Variants in ADAM9 observed in about 807,000 individuals in gnomAD.
ADAM9 encodes disintegrin and metalloproteinase domain-containing protein 9.
ADAM9 carries 54 observed loss-of-function variants against 108.1 expected under a neutral mutation model. The observed-to-expected ratio is 0.50, with a 90% CI of 0.40 to 0.63. The LOEUF is 0.63. ADAM9 is among the 20% of genes least tolerant of loss of function. The pLI, the probability that ADAM9 is intolerant of heterozygous loss-of-function variation, is 0.00. For missense variants in ADAM9, 830 were observed against 997.7 expected (o/e 0.83, Z 2.26); for synonymous variants, 316 against 336.0 (o/e 0.94, Z 0.65).
chr8:39,090,048 A>G lies in ADAM9; in HGVS notation c.2070A>G (p.Glu690=). The part of the protein sequence containing the change: ...GSVDSGPTYN[E]MNTALRDGLL... ...TTGATGTAAAATTCTTCTCTCTAGA[A>G]ATGAATACTGCATTGAGGGACGGAC... The change falls in exon 19 of 22, where the codon GAA becomes GAG. Residue 690 remains glutamate, a splice_region_variant and synonymous_variant. Coordinates refer to ENST00000487273, the MANE Select transcript of ADAM9 (RefSeq NM_003816.3). 1 of 1,613,846 alleles carries G rather than the reference A, an allele frequency of 6.2e-7. No homozygotes were observed. The highest frequency in any genetic ancestry group is 1.1e-5 in the South Asian group (1 of 91,072).
chr8:39,077,333 G>A lies in ADAM9; in HGVS notation c.1803G>A (p.Trp601Ter). ...IQTPSRGTKC[W>*]GVDFQLGSDV... ...CGCCTAGTCGAGGCACCAAATGTTG[G>A]GGTGTGGATTTCCAGCTAGGATCAG... Residue 601 changes from tryptophan (W) to a stop codon, truncating the protein, a stop_gained, in exon 16 of 22, where the codon TGG (tryptophan) becomes TGA (stop). Coordinates refer to ENST00000487273, the MANE Select transcript of ADAM9 (RefSeq NM_003816.3). LOFTEE classifies it high-confidence loss of function. 1 of 1,614,098 alleles carries A rather than the reference G, an allele frequency of 6.2e-7. No homozygotes were observed. Among genetic ancestry groups the A allele is most frequent in the African/African-American group, 1.3e-5 (1 of 75,054 alleles).
At chr8:39,099,099 G>A (rs1349011487) in intron 20 of ADAM9, among the ~76,000 whole-genome samples, 1 of 152,060 alleles carries the variant, frequency 6.6e-6, no homozygotes, top group African/African-American at 2.4e-5. Flanking sequence ...TATCACCACG[G>A]GCCTTCCTTG....
chr8:39,038,134 G>T (rs1356845338), intron 11 of ADAM9, among the ~76,000 whole-genome samples: 1 of 152,118 alleles, frequency 6.6e-6, no homozygotes, highest in Non-Finnish European at 1.5e-5. Flanking sequence ...ATTTCTCTAA[G>T]AGCCTTCTTT....
chr8:39,083,151 C>T (rs550876954), intron 18 of ADAM9, 78 bp downstream of exon 18: 17 of 983,066 alleles, frequency 1.7e-5, no homozygotes, highest in South Asian at 8.0e-5. Flanking sequence ...ACCTCTCCCT[C>T]ACTTCCCACA....
intron 15 of ADAM9, among the ~76,000 whole-genome samples, chr8:39,072,372 G>T (rs1455150134): frequency 6.6e-6 from 1 of 152,210 alleles, no homozygotes; most frequent in East Asian, 1.9e-4. Context: ...AGAAGAAATA[G>T]CAACAAAGAC....
At chr8:39,095,009 T>C (rs554072581) in intron 20 of ADAM9, among the ~76,000 whole-genome samples, 15 of 152,328 alleles carry the variant, frequency 9.8e-5, no homozygotes, top group African/African-American at 3.6e-4. Flanking sequence ...TATTTGAGAT[T>C]TTTTAAAAAA....
At chr8:39,091,133 C>T in intron 19 of ADAM9, 126 bp from the exon 20 acceptor site, 1 of 894,618 alleles carries the variant, frequency 1.1e-6, no homozygotes, top group South Asian at 1.3e-5. Context: ...TAAACCGTAT[C>T]ATGATTATCA....
chr8:39,010,810 G>A (rs185774813), intron 2 of ADAM9, among the ~76,000 whole-genome samples: 86 of 152,230 alleles, frequency 5.6e-4, no homozygotes, highest in African/African-American at 1.8e-3. Context: ...ATAAAGACAC[G>A]GAAGTGGCCC....
chr8:39,044,584 AGCCC>A (rs1837554338), intron 12 of ADAM9, among the ~76,000 whole-genome samples: 2 of 7,014 alleles, frequency 2.9e-4, no homozygotes, highest in African/African-American at 1.8e-3. Flanking sequence ...ATAATTTGTC[AGCCC>A]TCACTCTCCT....
intron 18 of ADAM9, among the ~76,000 whole-genome samples, chr8:39,085,182 G>A (rs1780381671): frequency 6.6e-6 from 1 of 151,928 alleles, no homozygotes; most frequent in African/African-American, 2.4e-5. Flanking sequence ...CTTGACTATT[G>A]ATGTGTTTAT....
chr8:39,063,130 T>TATCC (rs1170624606), intron 14 of ADAM9, among the ~76,000 whole-genome samples: 4 of 152,212 alleles, frequency 2.6e-5, no homozygotes, highest in Admixed American at 2.6e-4. Flanking sequence ...ACGCCCTTAA[T>TATCC]ATCCATTCCC....
At chr8:39,005,651 A>C (rs1447262001) in intron 1 of ADAM9, among the ~76,000 whole-genome samples, 2 of 152,226 alleles carry the variant, frequency 1.3e-5, no homozygotes, top group Non-Finnish European at 2.9e-5. Flanking sequence ...AGTCAGTCCA[A>C]ATTGCAGGGA....
At chr8:39,092,516 T>C (rs1346551663) in intron 20 of ADAM9, among the ~76,000 whole-genome samples, 2 of 152,168 alleles carry the variant, frequency 1.3e-5, no homozygotes, top group Non-Finnish European at 2.9e-5. Flanking sequence ...ATCTGTATAC[T>C]CTTCTTCATC....
chr8:39,065,103 CT>C (rs1838416259), intron 14 of ADAM9, among the ~76,000 whole-genome samples: 1 of 151,162 alleles, frequency 6.6e-6, no homozygotes, highest in Non-Finnish European at 1.5e-5. Flanking sequence ...GGTGTGATTT[CT>C]TTTCCTGGAT....
chr8:39,045,663 C>T lies in ADAM9; in HGVS notation c.1302+3546C>T, dbSNP rs569441943. Among the ~76,000 whole-genome samples the T allele has an allele frequency of 2.9e-3, 438 of 151,818 alleles. 3 individuals are homozygous for T. Among genetic ancestry groups the T allele is most frequent in the African/African-American group, 0.01 (414 of 41,344 alleles). ...CATGACTTTGGTATTGTGAATAGTG[C>T]TGCAATGAGCATATGAGTGCAGATA... On this transcript the variant is annotated intron_variant, in intron 12 of 21. Coordinates refer to ENST00000487273, the MANE Select transcript of ADAM9 (RefSeq NM_003816.3).
rs2129432776 is a variant in ADAM9 at position 39,013,959 on chromosome 8, T to C, written c.255-6T>C. 4.3e-6 allele frequency: 7 copies of C among 1,611,248 alleles called. No individual in the cohort carries two copies. In the East Asian group the frequency reaches 1.6e-4, roughly 36 times the overall value. The stretch of plus-strand genomic sequence containing the variant: ...ATATATAAACGGTGTTTTATTTCTC[T>C]TCCAGAGACCTTTTGCCTGAAGATT... On this transcript the variant is annotated splice_region_variant and splice_polypyrimidine_tract_variant and intron_variant, in intron 3 of 21. Transcript: ENST00000487273.
Position 39,100,790 on chromosome 8 carries a change from A to G in ADAM9, c.2299-1073A>G, listed in dbSNP as rs145608273. 3.3e-3 allele frequency among the ~76,000 whole-genome samples: 504 copies of G among 152,342 alleles called. 4 individuals carry two copies. Among genetic ancestry groups the G allele is most frequent in the African/African-American group, 0.011 (466 of 41,574 alleles). On this transcript the variant is annotated intron_variant, in intron 20 of 21. Transcript: ENST00000487273. ...ATAGAACTTTAGGAGTTAACAGTAG[A>G]TAGTAAAGAACATCTTGGTCAAGGT...
chr8:39,011,472 G>T (rs1427950998), intron 2 of ADAM9, among the ~76,000 whole-genome samples, 186 bp from the exon 3 acceptor site: 1 of 152,194 alleles, frequency 6.6e-6, no homozygotes, highest in East Asian at 1.9e-4. Context: ...ATGAAAGGAA[G>T]GAAGGGATGA....
chr8:39,003,944 G>T (rs1468173688), intron 1 of ADAM9, among the ~76,000 whole-genome samples: 2 of 151,920 alleles, frequency 1.3e-5, no homozygotes, highest in Non-Finnish European at 2.9e-5. Flanking sequence ...CTCGGTAAAA[G>T]ATTCATAGAA....
Sources: allele counts gnomAD v4.1 joint callset (sites outside exome capture counted in the v4.1 genomes callset), GRCh38; gene constraint gnomAD v4.1.1; transcripts MANE v1.5; gene names NCBI Gene and HGNC (gene_info 2026-07-23, HGNC 2026-07-21).